The following CMSS1 variants were observed in gnomAD, a reference collection of about 807,000 sequenced individuals.
CMSS1 encodes the protein cms1 ribosomal small subunit homolog, also known as protein CMSS1.
Under a neutral mutation model 43.5 loss-of-function variants are expected in CMSS1, and 33 were observed. The ratio of observed to expected loss-of-function variants is 0.76; its 90% CI spans 0.57 to 1.01. The LOEUF (loss-of-function observed/expected upper bound fraction) is 1.01, where lower values mean the gene tolerates loss of function less well. Ranked by LOEUF, CMSS1 falls within the 50% of genes least tolerant of loss-of-function variation. CMSS1 has a pLI of 0.00. For synonymous variants in CMSS1, 115 were observed against 117.2 expected, an observed-to-expected ratio of 0.98 and a Z score of 0.12; for missense variants, 313 against 326.4, an observed-to-expected ratio of 0.96 and a Z score of 0.32.
chr3:99,903,411 C>CTGGCGTACCCCTTTATTTTGA (rs1706505225), intron 1 of CMSS1, among the ~76,000 whole-genome samples: 1 of 152,044 alleles, frequency 6.6e-6, no homozygotes, highest in Admixed American at 6.5e-5. Context: ...GCCACCACAC[C>CTGGCGTACCCCTTTATTTTGA]CAGCTAATTT....
intron 2 of CMSS1, among the ~76,000 whole-genome samples, chr3:100,158,668 T>A (rs1289123528): frequency 2.0e-5 from 3 of 152,262 alleles, no homozygotes; most frequent in Non-Finnish European, 4.4e-5. Context: ...AACCTATCAT[T>A]TAACTGAAGC....
intron 1 of CMSS1, among the ~76,000 whole-genome samples, chr3:99,925,274 A>G (rs1707255487): frequency 6.6e-6 from 1 of 152,228 alleles, no homozygotes; most frequent in African/African-American, 2.4e-5. Flanking sequence ...TACTAAGTCC[A>G]TTCAGATTTT....
Position 99,925,876 on chromosome 3 carries a change from G to A in CMSS1, c.64+107833G>A, listed in dbSNP as rs954017144. The A allele has an allele frequency of 3.0e-6, 3 of 985,278 alleles. No individual in the cohort carries two copies. In the African/African-American group the frequency reaches 5.2e-5, roughly 17 times the overall value. The allele number at this position is 985,278 out of a possible 1,614,324, so 61.0% of individuals were successfully genotyped here. A position where few individuals can be genotyped will look rare whatever the true frequency, so the allele number is the denominator to read the frequency against. On this transcript the variant is annotated intron_variant, in intron 1 of 9. Transcript: ENST00000421999. Reference sequence around the variant, plus strand: ...TCACTGGGCTGGTTTATCAGCTCCTGGCCTTGAGCTCCATTTTGCCCAGCA... The same window carrying A: ...TCACTGGGCTGGTTTATCAGCTCCTAGCCTTGAGCTCCATTTTGCCCAGCA...
chr3:99,992,668 A>C (rs1437554304), intron 1 of CMSS1, among the ~76,000 whole-genome samples: 2 of 151,916 alleles, frequency 1.3e-5, no homozygotes, highest in East Asian at 3.9e-4. Context: ...TTTTAGTTTA[A>C]TTAAGTCCAA....
At chr3:100,154,400 G>C (rs1002900381) in intron 2 of CMSS1, among the ~76,000 whole-genome samples, 4 of 151,958 alleles carry the variant, frequency 2.6e-5, no homozygotes, top group African/African-American at 9.7e-5. Flanking sequence ...AAAAAAAACT[G>C]TCAGATCTTT....
intron 1 of CMSS1, among the ~76,000 whole-genome samples, chr3:99,970,418 G>T (rs1708779226): frequency 6.6e-6 from 1 of 152,334 alleles, no homozygotes; most frequent in South Asian, 2.1e-4. Flanking sequence ...TAAAGGAAAT[G>T]AATGTGGTTC....
At chr3:100,043,356 C>G (rs953878582) in intron 1 of CMSS1, among the ~76,000 whole-genome samples, 1 of 152,192 alleles carries the variant, frequency 6.6e-6, no homozygotes, top group Admixed American at 6.5e-5. Flanking sequence ...TTCTTTTCAG[C>G]TATATTAAAT....
chr3:99,886,568 G>T (rs1383316329), intron 1 of CMSS1, among the ~76,000 whole-genome samples: 1 of 152,086 alleles, frequency 6.6e-6, no homozygotes, highest in Non-Finnish European at 1.5e-5. Flanking sequence ...GATTTTGGGG[G>T]GGTAGATAGA....
chr3:100,020,662 G>A lies in CMSS1; in HGVS notation c.65-126311G>A, dbSNP rs118159696. ...AATAGTCTTAAAGTTCTTAAAAAGT[G>A]TTTATTTTTAGTGATTTCATTTAAA... is the stretch of plus-strand genomic sequence containing the variant. On this transcript the variant is annotated intron_variant, in intron 1 of 9. Coordinates refer to ENST00000421999, the MANE Select transcript of CMSS1 (RefSeq NM_032359.4). 1.1e-4 allele frequency among the ~76,000 whole-genome samples: 16 copies of A among 145,314 alleles called. No homozygotes were observed. The East Asian group carries it at 3.4e-3, about 31-fold the overall frequency.
chr3:100,080,459 A>G (rs1243460405), intron 1 of CMSS1, among the ~76,000 whole-genome samples: 2 of 152,206 alleles, frequency 1.3e-5, no homozygotes, highest in African/African-American at 2.4e-5. Flanking sequence ...GGAGTACCCT[A>G]GACAATTTCA....
intron 1 of CMSS1, among the ~76,000 whole-genome samples, chr3:100,032,846 T>C (rs1386141056): frequency 6.6e-6 from 1 of 152,172 alleles, no homozygotes; most frequent in Non-Finnish European, 1.5e-5. Context: ...TTAACTATTT[T>C]TTGAGCTGCT....
intron 1 of CMSS1, chr3:99,925,815 A>G: frequency 1.0e-6 from 1 of 984,504 alleles, no homozygotes; most frequent in South Asian, 4.7e-5. Context: ...CCAGTGGCCA[A>G]AAGCATCACA....
chr3:99,876,148 C>A, intron 1 of CMSS1: 1 of 986,142 alleles, frequency 1.0e-6, no homozygotes, highest in South Asian at 4.7e-5. Flanking sequence ...CGACTGTGCG[C>A]GCTCCGAGAG....
At chr3:99,973,555 T>G (rs146183489) in intron 1 of CMSS1, among the ~76,000 whole-genome samples, 107 of 152,366 alleles carry the variant, frequency 7.0e-4, no homozygotes, top group African/African-American at 2.5e-3. Context: ...AAACTAATGT[T>G]GCTTTATTTC....
At chr3:100,057,656 C>T (rs2065488237) in intron 1 of CMSS1, among the ~76,000 whole-genome samples, 1 of 152,100 alleles carries the variant, frequency 6.6e-6, no homozygotes, top group South Asian at 2.1e-4. Flanking sequence ...GGGATCAGGC[C>T]CCATATGGGA....
At chr3:100,147,196 GA>G in intron 2 of CMSS1, 135 bp downstream of exon 2, 1 of 837,862 alleles carries the variant, frequency 1.2e-6, no homozygotes, top group Non-Finnish European at 1.7e-6. Flanking sequence ...CTTTCCCTTT[GA>G]AAAGGCCATG....
chr3:99,922,170 G>A (rs1707146028), intron 1 of CMSS1, among the ~76,000 whole-genome samples: 1 of 152,214 alleles, frequency 6.6e-6, no homozygotes, highest in Non-Finnish European at 1.5e-5. Flanking sequence ...ATCAGTAAAT[G>A]TTCATAATAA....
chr3:100,020,032 G>T (rs1180415445), intron 1 of CMSS1, among the ~76,000 whole-genome samples: 1 of 152,076 alleles, frequency 6.6e-6, no homozygotes, highest in African/African-American at 2.4e-5. Flanking sequence ...TAATTACCCT[G>T]GGTAGTAGCC....
intron 1 of CMSS1, among the ~76,000 whole-genome samples, chr3:99,823,920 T>G (rs1293680207): frequency 6.6e-6 from 1 of 151,596 alleles, no homozygotes; most frequent in East Asian, 1.9e-4. Flanking sequence ...TGGCTTTCTT[T>G]CTTTCTTTTT....
Sources: gnomAD v4.1 joint callset for allele counts (sites outside exome capture counted in the v4.1 genomes callset) on GRCh38, gnomAD v4.1.1 for gene constraint, MANE v1.5 for transcripts, NCBI Gene and HGNC (gene_info 2026-07-23, HGNC 2026-07-21) for gene names.